Variants in GRK4 observed in about 807,000 individuals in gnomAD.
GRK4 encodes the protein G protein-coupled receptor kinase 2-like.
Under a neutral mutation model 77.9 loss-of-function variants are expected in GRK4, and 73 were observed. That is an observed-to-expected ratio of 0.94 (90% CI 0.78 to 1.14). GRK4 has a LOEUF of 1.14. GRK4 is among the 50% of genes most tolerant of loss of function. GRK4 has a pLI of 0.00. For missense variants in GRK4, 729 were observed against 700.2 expected (o/e 1.04, Z -0.46); for synonymous variants, 257 against 254.4 (o/e 1.01, Z -0.10).
intron 8 of GRK4, among the ~76,000 whole-genome samples, chr4:3,016,386 C>T (rs1333705782): frequency 2.0e-5 from 3 of 151,488 alleles, no homozygotes; most frequent in South Asian, 2.1e-4. Flanking sequence ...TGTGTGGTGG[C>T]GAGCACCTGT....
intron 13 of GRK4, among the ~76,000 whole-genome samples, chr4:3,036,137 T>G (rs1046925182): frequency 3.3e-5 from 5 of 152,236 alleles, no homozygotes; most frequent in Non-Finnish European, 7.3e-5. Flanking sequence ...GTCCCCTTTC[T>G]GGTCTCAGGG....
At chr4:2,990,873 G>T (rs1269392094) in intron 3 of GRK4, among the ~76,000 whole-genome samples, 1 of 152,086 alleles carries the variant, frequency 6.6e-6, no homozygotes, top group Non-Finnish European at 1.5e-5. Flanking sequence ...ATGTCTGATT[G>T]TGCCATTTTG....
intron 11 of GRK4, 140 bp downstream of exon 11, chr4:3,028,141 T>G: frequency 1.6e-5 from 11 of 704,512 alleles, no homozygotes; most frequent in East Asian, 2.6e-5. Context: ...TTTGAATCTC[T>G]AACCTGTCAG....
At chr4:3,037,083 ATG>A (rs34216391) in intron 13 of GRK4, among the ~76,000 whole-genome samples, 89,861 of 140,266 alleles carry the variant, frequency 0.64, 29,228 homozygotes, top group African/African-American at 0.84. Flanking sequence ...GTGTGTGTGT[ATG>A]TGTGTGTGTG....
chr4:3,003,486 G>A (rs947212845), intron 4 of GRK4, among the ~76,000 whole-genome samples: 16 of 151,104 alleles, frequency 1.1e-4, no homozygotes, highest in South Asian at 2.1e-4. Context: ...TCACCATGCC[G>A]GCCGTGACTG....
chr4:3,035,012 C>T (rs780463897), intron 12 of GRK4, among the ~76,000 whole-genome samples: 4 of 151,972 alleles, frequency 2.6e-5, no homozygotes, highest in Non-Finnish European at 5.9e-5. Flanking sequence ...AATCCCAGCA[C>T]TTTGGGAGGT....
chr4:2,985,957 C>T (rs1209147985), intron 2 of GRK4: 2 of 145,706 alleles, frequency 1.4e-5, no homozygotes, highest in African/African-American at 5.2e-5. Context: ...TGCACTCCAG[C>T]CTGGGTGACA....
intron 4 of GRK4, among the ~76,000 whole-genome samples, chr4:2,998,835 A>T (rs1180067169): frequency 1.4e-5 from 2 of 147,636 alleles, no homozygotes; most frequent in African/African-American, 2.5e-5. Flanking sequence ...TCTAACTACC[A>T]TTTTTTTTTT....
intron 9 of GRK4, among the ~76,000 whole-genome samples, chr4:3,021,345 C>T (rs973321327): frequency 2.0e-5 from 3 of 152,216 alleles, no homozygotes; most frequent in Non-Finnish European, 2.9e-5. Flanking sequence ...AGGGTGTGAG[C>T]ATGAGGATGT....
chr4:3,025,324 C>T (rs1047102738), intron 10 of GRK4, among the ~76,000 whole-genome samples: 9 of 150,504 alleles, frequency 6.0e-5, no homozygotes, highest in Non-Finnish European at 1.0e-4. Flanking sequence ...TGCGGTTAAA[C>T]CACCAGCTGG....
At chr4:3,010,779 A>G (rs996509431) in intron 7 of GRK4, among the ~76,000 whole-genome samples, 1 of 152,182 alleles carries the variant, frequency 6.6e-6, no homozygotes, top group Non-Finnish European at 1.5e-5. Context: ...TACTGCTCCC[A>G]TATTACAATT....
At chr4:2,983,275 T>A (rs1723350613) in intron 1 of GRK4, among the ~76,000 whole-genome samples, 1 of 152,206 alleles carries the variant, frequency 6.6e-6, no homozygotes, top group East Asian at 1.9e-4. Flanking sequence ...TCCAAGGAAA[T>A]GTGGCTTTTG....
Position 2,988,759 on chromosome 4 carries a change from C to A in GRK4, c.181C>A (p.Pro61Thr), listed in dbSNP as rs1281299800. The change falls in exon 3 of 16, where the codon CCG (proline) becomes ACG (threonine). Residue 61 changes from proline to threonine, a missense_variant. Transcript: ENST00000398052. ...KDYSSLCDKQ[P>T]IGRRLFRQFC... Reference sequence around the variant, plus strand: ...TTATAGCAGTCTTTGTGACAAGCAACCGATAGGAAGACGTCTCTTCAGGCA... The same window carrying A: ...TTATAGCAGTCTTTGTGACAAGCAAACGATAGGAAGACGTCTCTTCAGGCA... 6.2e-7 allele frequency: 1 copy of A among 1,612,380 alleles called. No individual in the cohort carries two copies. The highest frequency in any genetic ancestry group is 8.5e-7 in the Non-Finnish European group (1 of 1,178,534).
chr4:3,022,562 T>C (rs1245161379), intron 10 of GRK4, 111 bp downstream of exon 10: 2 of 948,908 alleles, frequency 2.1e-6, no homozygotes, highest in Non-Finnish European at 3.2e-6. Context: ...ATGGAAACAA[T>C]AACAAAAAGA....
Position 2,964,130 on chromosome 4 carries a change from C to A in GRK4, c.52+8C>A, listed in dbSNP as rs79477485. 0.025 allele frequency: 39,900 copies of A among 1,588,736 alleles called. 608 individuals are homozygous for A. The highest frequency in any genetic ancestry group is 0.034 in the Middle Eastern group (189 of 5,490). ...TGCTGAAAGCGCGTCAAGGTGGGTG[C>A]GCGGCAGGCGCCCCCGACCCCCCCC... On this transcript the variant is annotated splice_region_variant and intron_variant, in intron 1 of 15. Coordinates refer to ENST00000398052, the MANE Select transcript of GRK4 (RefSeq NM_182982.3).
Position 3,022,397 on chromosome 4 carries a change from G to C in GRK4, c.933-17G>C, listed in dbSNP as rs763457078. 4 of 1,612,462 alleles carry C rather than the reference G, an allele frequency of 2.5e-6. No individual in the cohort carries two copies. The South Asian group carries it at 4.4e-5, about 18-fold the overall frequency. On this transcript the variant is annotated splice_polypyrimidine_tract_variant and intron_variant, in intron 9 of 15. Transcript: ENST00000398052. Reference sequence around the variant, plus strand: ...CAACTTCTGAATAATTGGGCCTTTTGTTGTTGTTTCTTGTAGAGACTTGAA... The same window carrying C: ...CAACTTCTGAATAATTGGGCCTTTTCTTGTTGTTTCTTGTAGAGACTTGAA...
chr4:2,971,866 C>T (rs1719657221), intron 1 of GRK4, among the ~76,000 whole-genome samples: 1 of 152,182 alleles, frequency 6.6e-6, no homozygotes, highest in Non-Finnish European at 1.5e-5. Flanking sequence ...GTGGCGTGCC[C>T]TCTGTGGGTG....
At position 2,993,863 on chromosome 4, in the gene GRK4, CAT is replaced by C. The variant is rs559477645; in HGVS notation, c.339+1572_339+1573del. Among the ~76,000 whole-genome samples, 815 of 152,258 alleles carry C rather than the reference CAT, an allele frequency of 5.4e-3. 2 individuals are homozygous for C. Among genetic ancestry groups the C allele is most frequent in the Non-Finnish European group, 8.7e-3 (590 of 68,028 alleles). ...GTAAGTGTCAGAACCAGGAATCGAACATGTGGAGAATGGAATTAGTGAATAGT... is the reference window on the plus strand; with the variant it reads ...GTAAGTGTCAGAACCAGGAATCGAACGTGGAGAATGGAATTAGTGAATAGT... On this transcript the variant is annotated intron_variant, in intron 4 of 15. Transcript: ENST00000398052.
intron 9 of GRK4, among the ~76,000 whole-genome samples, chr4:3,021,828 C>G (rs1425241275): frequency 6.6e-6 from 1 of 152,204 alleles, no homozygotes; most frequent in East Asian, 1.9e-4. Flanking sequence ...TGAGCTTTGG[C>G]TCATCCTCTA....
Sources: gnomAD v4.1 joint callset for allele counts (sites outside exome capture counted in the v4.1 genomes callset) on GRCh38, gnomAD v4.1.1 for gene constraint, MANE v1.5 for transcripts, NCBI Gene and HGNC (gene_info 2026-07-23, HGNC 2026-07-21) for gene names.